SYT1: variants seen among roughly 807,000 people sequenced by gnomAD.
SYT1 encodes synaptotagmin 1, also known as synaptotagmin-1.
A neutral mutation model predicts 44.8 loss-of-function variants in SYT1; 8 were observed. That is an observed-to-expected ratio of 0.18 (90% CI 0.10 to 0.32). SYT1 has a LOEUF of 0.32. SYT1 is among the 10% of genes least tolerant of loss of function. The pLI is 1.00. For missense variants in SYT1, 286 were observed against 509.3 expected (o/e 0.56, Z 4.22); for synonymous variants, 154 against 188.8 (o/e 0.82, Z 1.51).
intron 8 of SYT1, among the ~76,000 whole-genome samples, chr12:79,334,965 A>G (rs1250793498): frequency 6.6e-6 from 1 of 152,086 alleles, no homozygotes; most frequent in Non-Finnish European, 1.5e-5. Flanking sequence ...CTCACGACAC[A>G]TTGACACATC....
chr12:79,422,853 G>A (rs562659072), intron 9 of SYT1, among the ~76,000 whole-genome samples: 6 of 152,164 alleles, frequency 3.9e-5, no homozygotes, highest in Non-Finnish European at 7.4e-5. Context: ...CTAGGTGCTG[G>A]AAGTAAGCTG....
chr12:79,198,900 T>C (rs6539284), intron 3 of SYT1, among the ~76,000 whole-genome samples: 46,494 of 152,040 alleles, frequency 0.31, 8,985 homozygotes, highest in Admixed American at 0.44. Context: ...GCCTACTTTA[T>C]ATATTAAGAC....
chr12:78,989,893 C>T (rs1869902985), intron 2 of SYT1, among the ~76,000 whole-genome samples: 1 of 152,072 alleles, frequency 6.6e-6, no homozygotes, highest in Admixed American at 6.6e-5. Flanking sequence ...CCCAAAAATA[C>T]ACCCACTGTG....
intron 1 of SYT1, among the ~76,000 whole-genome samples, chr12:78,882,370 T>A (rs1874505931): frequency 6.6e-6 from 1 of 151,736 alleles, no homozygotes; most frequent in African/African-American, 2.4e-5. Flanking sequence ...AGTGATTGGA[T>A]CCAATCTGAA....
chr12:79,026,501 A>G (rs1335053956), intron 2 of SYT1, among the ~76,000 whole-genome samples: 1 of 150,970 alleles, frequency 6.6e-6, no homozygotes, highest in African/African-American at 2.4e-5. Flanking sequence ...ATAACAAATA[A>G]AACACTATGC....
At chr12:79,443,229 A>G (rs1421276080) in intron 9 of SYT1, among the ~76,000 whole-genome samples, 2 of 152,146 alleles carry the variant, frequency 1.3e-5, no homozygotes, top group Non-Finnish European at 1.5e-5. Flanking sequence ...TTCTCCACCT[A>G]GGAATATTTA....
At chr12:79,291,670 C>T in intron 5 of SYT1, 1 of 421,190 alleles carries the variant, frequency 2.4e-6, no homozygotes, top group South Asian at 1.8e-5. Context: ...TGGTTAGTAG[C>T]ATGTTTATCT....
intron 3 of SYT1, among the ~76,000 whole-genome samples, chr12:79,101,004 C>T (rs1486713259): frequency 6.6e-6 from 1 of 152,022 alleles, no homozygotes; most frequent in Non-Finnish European, 1.5e-5. Flanking sequence ...TTATTTTGTT[C>T]TCCAATATTA....
At chr12:79,388,514 G>A (rs1435718472) in intron 9 of SYT1, among the ~76,000 whole-genome samples, 1 of 151,742 alleles carries the variant, frequency 6.6e-6, no homozygotes, top group African/African-American at 2.4e-5. Context: ...GGGAAACATG[G>A]CAAAACCCCA....
At chr12:79,016,405 TCAGTGCAACTGCTTTCATACTG>T (rs1871811134) in intron 2 of SYT1, among the ~76,000 whole-genome samples, 1 of 152,196 alleles carries the variant, frequency 6.6e-6, no homozygotes, top group African/African-American at 2.4e-5. Context: ...ACAGCTGTCC[TCAGTGCAACTGCTTTCATACTG>T]GTTGTAATTA....
chr12:79,147,532 A>G (rs112736595), intron 3 of SYT1, among the ~76,000 whole-genome samples: 1 of 152,208 alleles, frequency 6.6e-6, no homozygotes, highest in Non-Finnish European at 1.5e-5. Flanking sequence ...AATAATTGTA[A>G]CTTAAATTTG....
intron 9 of SYT1, among the ~76,000 whole-genome samples, chr12:79,413,680 T>C (rs1947901026): frequency 6.6e-6 from 1 of 152,202 alleles, no homozygotes; most frequent in African/African-American, 2.4e-5. Flanking sequence ...CTGGAGTAGT[T>C]AATTCTTTGC....
intron 3 of SYT1, among the ~76,000 whole-genome samples, chr12:79,133,258 C>T (rs1002732001): frequency 6.6e-6 from 1 of 152,092 alleles, no homozygotes; most frequent in African/African-American, 2.4e-5. Context: ...GTGGCTCACA[C>T]CTGTAATCCC....
At chr12:78,987,649 G>A (rs1869738198) in intron 2 of SYT1, among the ~76,000 whole-genome samples, 1 of 151,776 alleles carries the variant, frequency 6.6e-6, no homozygotes, top group African/African-American at 2.4e-5. Flanking sequence ...TGCATACATA[G>A]TTACCATTTG....
chr12:79,075,259 G>A (rs1324836290), intron 3 of SYT1, among the ~76,000 whole-genome samples: 1 of 151,992 alleles, frequency 6.6e-6, no homozygotes, highest in Non-Finnish European at 1.5e-5. Context: ...TTCTCTTTTT[G>A]GTCTGTGGGC....
rs1881695903 is a variant in SYT1, at chr12:79,328,293, C to T, written c.811-25209C>T. On this transcript the variant is annotated intron_variant, in intron 8 of 10. Coordinates refer to ENST00000261205, the MANE Select transcript of SYT1 (RefSeq NM_005639.3). Reference sequence around the variant, plus strand: ...TTAGTTTGGTTGACTGAGAAATGAGCAAACAGGACAATAAATGAAATTACA... The same window carrying T: ...TTAGTTTGGTTGACTGAGAAATGAGTAAACAGGACAATAAATGAAATTACA... Among the ~76,000 whole-genome samples the T allele has an allele frequency of 2.0e-5, 3 of 152,224 alleles. No individual in the cohort carries two copies. The South Asian group carries it at 6.2e-4, about 32-fold the overall frequency.
In SYT1 at chr12:78,966,811, G is replaced by A. The variant is rs111854739; in HGVS notation, c.-216-10988G>A. ...TACCAAAAAGTTAATATTCATAAAAGCATTTTCTTGCCAAAAATAGATAAA... is the reference window on the plus strand; with the variant it reads ...TACCAAAAAGTTAATATTCATAAAAACATTTTCTTGCCAAAAATAGATAAA... On this transcript the variant is annotated intron_variant, in intron 1 of 10. Transcript: ENST00000261205. Among the ~76,000 whole-genome samples the A allele has an allele frequency of 1.4e-3, 215 of 152,174 alleles. 1 individual carries two copies. Among genetic ancestry groups the A allele is most frequent in the Middle Eastern group, 0.01 (3 of 294 alleles).
chr12:79,438,045 A>G (rs531738792), intron 9 of SYT1, among the ~76,000 whole-genome samples: 2 of 152,148 alleles, frequency 1.3e-5, no homozygotes, highest in Non-Finnish European at 2.9e-5. Context: ...GGGATCAGGA[A>G]TTATCTGGAA....
intron 2 of SYT1, among the ~76,000 whole-genome samples, chr12:79,021,193 G>A (rs1415443191): frequency 6.6e-6 from 1 of 151,904 alleles, no homozygotes; most frequent in Non-Finnish European, 1.5e-5. Context: ...GTATGGTTGA[G>A]CTTCACAAAC....
Sources: gnomAD v4.1 joint callset for allele counts (sites outside exome capture counted in the v4.1 genomes callset) on GRCh38, gnomAD v4.1.1 for gene constraint, MANE v1.5 for transcripts, NCBI Gene and HGNC (gene_info 2026-07-23, HGNC 2026-07-21) for gene names.